Variants in CGAS observed in about 807,000 individuals in gnomAD.
CGAS encodes cyclic GMP-AMP synthase, also known as 2'3'-cGAMP synthase.
In CGAS, 31 loss-of-function variants were observed where a neutral mutation model predicts 34.0. The observed-to-expected ratio is 0.91, with a 90% CI of 0.69 to 1.23. CGAS has a LOEUF of 1.23. Ranked by LOEUF, CGAS falls within the 50% of genes most tolerant of loss-of-function variation. The pLI is 0.00. For missense variants in CGAS, 597 were observed against 657.6 expected, an observed-to-expected ratio of 0.91 and a Z score of 1.01; for synonymous variants, 266 against 260.0, an observed-to-expected ratio of 1.02 and a Z score of -0.22.
At chr6:73,430,930 C>T (rs944159443) in intron 3 of CGAS, among the ~76,000 whole-genome samples, 8 of 151,618 alleles carry the variant, frequency 5.3e-5, no homozygotes, top group Non-Finnish European at 8.8e-5. Context: ...GGCGAAACTC[C>T]GTCGCTACTA....
intron 1 of CGAS, among the ~76,000 whole-genome samples, chr6:73,447,821 A>G (rs1389368189): frequency 6.6e-6 from 1 of 152,130 alleles, no homozygotes; most frequent in Non-Finnish European, 1.5e-5. Context: ...ATATTGAAAT[A>G]TTTTTATTTT....
In CGAS at chr6:73,425,482, C is replaced by T. The variant is rs917787634; in HGVS notation, c.1314G>A (p.Val438=). The change falls in exon 5 of 5, where the codon GTG becomes GTA. Residue 438 remains valine (V), a synonymous_variant. Coordinates refer to ENST00000370315, the MANE Select transcript of CGAS (RefSeq NM_138441.3). ...TACATACGTGAAAGAAGGCAGTTTT[C>T]ACATGATAAGAAGAGAATTTATCCA... ...KHLDKFSSYH[V]KTAFFHVCTQ... The T allele has an allele frequency of 3.1e-6, 5 of 1,613,906 alleles. No individual in the cohort carries two copies. The highest frequency in any genetic ancestry group is 1.6e-4 in the Middle Eastern group (1 of 6,084).
chr6:73,443,591 T>C (rs73450653), intron 2 of CGAS, among the ~76,000 whole-genome samples: 2 of 152,008 alleles, frequency 1.3e-5, no homozygotes, highest in South Asian at 2.1e-4. Context: ...ACATTGCAAC[T>C]TCCCCCCCAC....
chr6:73,435,226 A>G (rs567207334), intron 3 of CGAS, among the ~76,000 whole-genome samples: 1 of 152,096 alleles, frequency 6.6e-6, no homozygotes, highest in South Asian at 2.1e-4. Context: ...TATCTTCACA[A>G]TTTTTCTGTA....
At chr6:73,429,627 C>T (rs1392959628) in intron 3 of CGAS, among the ~76,000 whole-genome samples, 1 of 151,760 alleles carries the variant, frequency 6.6e-6, no homozygotes, top group Non-Finnish European at 1.5e-5. Context: ...GAGATCAAGA[C>T]CATCCTGGCT....
At chr6:73,439,185 A>C (rs1016809850) in intron 3 of CGAS, among the ~76,000 whole-genome samples, 1 of 151,744 alleles carries the variant, frequency 6.6e-6, no homozygotes, top group African/African-American at 2.4e-5. Context: ...CAAAAGTCCT[A>C]TATAAATCTA....
chr6:73,441,019 G>A (rs900898240), intron 2 of CGAS, among the ~76,000 whole-genome samples: 9 of 151,774 alleles, frequency 5.9e-5, no homozygotes, highest in Non-Finnish European at 1.5e-5. Flanking sequence ...AGACTTTGAG[G>A]TTTAAGAGTG....
Position 73,424,650 on chromosome 6 carries a change from A to G in CGAS, c.*577T>C, listed in dbSNP as rs1174796882. The G allele has an allele frequency of 6.6e-6, 1 of 152,078 alleles. No individual in the cohort carries two copies. The highest frequency in any genetic ancestry group is 1.5e-5 in the Non-Finnish European group (1 of 68,014). 9.4% of individuals were successfully genotyped at this position (152,078 alleles called of 1,614,324 possible). Reference sequence around the variant, plus strand: ...TACTTTTGCTTCTTATTCCTTGACTAATCTTTTTCCTAGGATAGTCAATCC... The same window carrying G: ...TACTTTTGCTTCTTATTCCTTGACTGATCTTTTTCCTAGGATAGTCAATCC... On this transcript the variant is annotated 3_prime_UTR_variant, in exon 5 of 5. Transcript: ENST00000370315.
intron 3 of CGAS, among the ~76,000 whole-genome samples, chr6:73,434,802 C>G (rs1013215759): frequency 6.6e-6 from 1 of 151,878 alleles, no homozygotes; most frequent in African/African-American, 2.4e-5. Context: ...CATGCCACCA[C>G]GCCTGGCTAA....
intron 3 of CGAS, among the ~76,000 whole-genome samples, chr6:73,430,419 A>G (rs1179805074): frequency 6.6e-6 from 1 of 152,102 alleles, no homozygotes; most frequent in Non-Finnish European, 1.5e-5. Context: ...CAGCCTGGCC[A>G]ACATGGTGAA....
intron 2 of CGAS, among the ~76,000 whole-genome samples, chr6:73,443,052 CT>C (rs1226676608): frequency 6.6e-6 from 1 of 151,910 alleles, no homozygotes; most frequent in Non-Finnish European, 1.5e-5. Context: ...CACATGTTAT[CT>C]CCACTGCAAC....
Position 73,451,389 on chromosome 6 carries a change from C to A in CGAS, c.657+136G>T. 7 of 1,021,344 alleles carry A rather than the reference C, an allele frequency of 6.9e-6. No homozygotes were observed. In the South Asian group the frequency reaches 1.2e-4, roughly 18 times the overall value. 63.3% of individuals were successfully genotyped at this position (1,021,344 alleles called of 1,614,324 possible). ...CGAACGGTTTGTCGTTTTACTTAGACTAGGCTACCGAAAAACATGCAAAAG... is the reference window on the plus strand; with the variant it reads ...CGAACGGTTTGTCGTTTTACTTAGAATAGGCTACCGAAAAACATGCAAAAG... On this transcript the variant is annotated intron_variant, in intron 1 of 4. Transcript: ENST00000370315.
At position 73,425,111 on chromosome 6, in the gene CGAS, C is replaced by T; in HGVS notation, c.*116G>A. ...TCAAGTGATCCGCCTGCCTCGGCCTCCAAAGAGCTGGGATTACAGGTGTGA... is the reference window on the plus strand; with the variant it reads ...TCAAGTGATCCGCCTGCCTCGGCCTTCAAAGAGCTGGGATTACAGGTGTGA... On this transcript the variant is annotated 3_prime_UTR_variant, in exon 5 of 5. Coordinates refer to ENST00000370315, the MANE Select transcript of CGAS (RefSeq NM_138441.3). The T allele has an allele frequency of 8.1e-6, 6 of 741,974 alleles. No homozygotes were observed. Among genetic ancestry groups the T allele is most frequent in the Non-Finnish European group, 1.3e-5 (6 of 477,544 alleles). 46.0% of individuals were successfully genotyped at this position (741,974 alleles called of 1,614,324 possible).
At chr6:73,446,367 G>T (rs927109179) in intron 1 of CGAS, among the ~76,000 whole-genome samples, 2 of 149,932 alleles carry the variant, frequency 1.3e-5, no homozygotes, top group African/African-American at 2.4e-5. Flanking sequence ...ATGATATGTG[G>T]TAGGGAATCA....
rs1377063659 is a variant in CGAS at position 73,443,233 on chromosome 6, CTCTTTTTT to C, written c.877+2287_877+2294del. Among the ~76,000 whole-genome samples the C allele has an allele frequency of 4.0e-5, 4 of 101,222 alleles. No homozygotes were observed. The Admixed American group carries it at 5.0e-4, about 13-fold the overall frequency. The allele number at this position is 101,222 out of a possible 152,430, so 66.4% of individuals were successfully genotyped here. ...TTTTGTTCATTCTCTTCTTCCCAAA[CTCTTTTTT>C]TTTTTTTTTTTTTTCTGAGACAGGG... On this transcript the variant is annotated intron_variant, in intron 2 of 4. Coordinates refer to ENST00000370315, the MANE Select transcript of CGAS (RefSeq NM_138441.3).
At chr6:73,435,138 G>A (rs1179244862) in intron 3 of CGAS, among the ~76,000 whole-genome samples, 1 of 152,142 alleles carries the variant, frequency 6.6e-6, no homozygotes, top group Non-Finnish European at 1.5e-5. Flanking sequence ...GGGCAACATA[G>A]TGAAACTCTG....
Position 73,451,526 on chromosome 6 carries a change from T to C in CGAS, c.656A>G (p.Lys219Arg). The stretch of plus-strand genomic sequence containing the variant: ...GCGGGAGGGCGCCAAGCAGCTCACC[T>C]TCACGTGCTCATAGTAGCTCCCGGT... ...LNTGSYYEHV[K>R]ISAPNEFDVM... Residue 219 changes from lysine (K) to arginine (R), a missense_variant and splice_region_variant, in exon 1 of 5, where the codon AAG becomes AGG. Lys to Arg is a conservative substitution (Grantham distance 26). Coordinates refer to ENST00000370315, the MANE Select transcript of CGAS (RefSeq NM_138441.3). 6.4e-7 allele frequency: 1 copy of C among 1,552,962 alleles called. No individual in the cohort carries two copies. The highest frequency in any genetic ancestry group is 1.2e-5 in the South Asian group (1 of 85,030).
At chr6:73,428,296 C>G (rs1770124755) in intron 4 of CGAS, among the ~76,000 whole-genome samples, 1 of 151,992 alleles carries the variant, frequency 6.6e-6, no homozygotes, top group Non-Finnish European at 1.5e-5. Flanking sequence ...CACAACCCAA[C>G]TATCCCAAAG....
In CGAS at chr6:73,428,984, C is replaced by T. The variant is rs577580602; in HGVS notation, c.1115-173G>A. On this transcript the variant is annotated intron_variant, in intron 3 of 4. Transcript: ENST00000370315. ...GGTGGGTCACCTGAGGTCGGGAGTTCGAGACCAGCCTGACCAACATGGAGA... is the reference window on the plus strand; with the variant it reads ...GGTGGGTCACCTGAGGTCGGGAGTTTGAGACCAGCCTGACCAACATGGAGA... Among the ~76,000 whole-genome samples, 14 of 151,842 alleles carry T rather than the reference C, an allele frequency of 9.2e-5. No homozygotes were observed. In the South Asian group the frequency reaches 1.7e-3, roughly 18 times the overall value.
Sources: allele counts gnomAD v4.1 joint callset (sites outside exome capture counted in the v4.1 genomes callset), GRCh38; gene constraint gnomAD v4.1.1; transcripts MANE v1.5; gene names NCBI Gene and HGNC (gene_info 2026-07-23, HGNC 2026-07-21).